Variants in ZNF595 observed in about 807,000 individuals in gnomAD.
ZNF595 encodes zinc finger protein 595.
Under a neutral mutation model 19.4 loss-of-function variants are expected in ZNF595, and 9 were observed. The ratio of observed to expected loss-of-function variants is 0.46; its 90% CI spans 0.28 to 0.81. The LOEUF (loss-of-function observed/expected upper bound fraction) is 0.81, where lower values mean the gene tolerates loss of function less well. ZNF595 is among the 30% of genes least tolerant of loss of function. ZNF595 has a pLI of 0.11. For synonymous variants in ZNF595, 255 were observed against 255.9 expected (o/e 1.00, Z 0.03); for missense variants, 729 against 736.0 (o/e 0.99, Z 0.11).
chr4:82,372 G>GTTTTTTTT (rs34932652), intron 3 of ZNF595, among the ~76,000 whole-genome samples: 44 of 85,930 alleles, frequency 5.1e-4, no homozygotes, highest in Non-Finnish European at 7.9e-4. Flanking sequence ...TTGGTTTGTG[G>GTTTTTTTT]TTTTTTTTTT....
At chr4:79,142 C>T (rs1218309400) in intron 3 of ZNF595, among the ~76,000 whole-genome samples, 1 of 152,098 alleles carries the variant, frequency 6.6e-6, no homozygotes, top group African/African-American at 2.4e-5. Flanking sequence ...CTGAAGAACA[C>T]CATTTTACTT....
At chr4:84,183 G>A (rs1581389062) in intron 3 of ZNF595, among the ~76,000 whole-genome samples, 1 of 151,462 alleles carries the variant, frequency 6.6e-6, no homozygotes, top group Non-Finnish European at 1.5e-5. Context: ...ATGATGAACA[G>A]TTTATGATCA....
rs782296372 is a variant in ZNF595 at position 87,045 on chromosome 4, G to T, written c.1541G>T (p.Gly514Val). 1.5e-5 allele frequency: 25 copies of T among 1,613,722 alleles called. No homozygotes were observed. The highest frequency in any genetic ancestry group is 2.0e-5 in the Non-Finnish European group (24 of 1,179,982). The change falls in exon 4 of 4, where the codon GGC becomes GTC. Residue 514 changes from glycine to valine, a missense_variant. Gly to Val is a moderately radical substitution (Grantham distance 109, BLOSUM62 -3). This residue lies in a region of ZNF595 where 729 missense variants were observed against 675.3 expected (regional missense o/e 1.08). Coordinates refer to ENST00000610261, the MANE Select transcript of ZNF595 (RefSeq NM_182524.4). The part of the protein sequence containing the change: ...GEKPYKCKEC[G>V]KAFNQSSGLI... ...AAACCCTACAAATGTAAAGAATGTG[G>T]CAAAGCTTTTAACCAATCCTCAGGC...
Position 87,141 on chromosome 4 carries a change from C to G in ZNF595, c.1637C>G (p.Thr546Ser). ...YKCEECGKAF[T>S]RSTALNEHKK... Reference sequence around the variant, plus strand: ...TGTGAAGAATGTGGCAAAGCCTTTACTCGGTCCACAGCCCTGAATGAACAT... The same window carrying G: ...TGTGAAGAATGTGGCAAAGCCTTTAGTCGGTCCACAGCCCTGAATGAACAT... Residue 546 changes from threonine (T) to serine (S), a missense_variant, in exon 4 of 4, where the codon ACT (threonine) becomes AGT (serine). By Grantham distance (58) the Thr-to-Ser change is moderately conservative. Around this residue, in one of 2 missense-constraint regions of ZNF595, gnomAD observed 729 missense variants for 675.3 expected, o/e 1.08. Transcript: ENST00000610261. 2 of 1,613,134 alleles carry G rather than the reference C, an allele frequency of 1.2e-6. No individual in the cohort carries two copies. The highest frequency in any genetic ancestry group is 2.7e-5 in the African/African-American group (2 of 74,692).
At chr4:69,217 A>T (rs1269096321) in intron 3 of ZNF595, among the ~76,000 whole-genome samples, 1 of 152,202 alleles carries the variant, frequency 6.6e-6, no homozygotes, top group African/African-American at 2.4e-5. Flanking sequence ...AATAAAATGG[A>T]GGTGCAGATA....
Position 86,313 on chromosome 4 carries a change from C to T in ZNF595, c.809C>T (p.Thr270Ile), listed in dbSNP as rs879994616. 7 of 1,610,390 alleles carry T rather than the reference C, an allele frequency of 4.3e-6. No individual in the cohort carries two copies. The Admixed American group carries it at 5.0e-5, about 12-fold the overall frequency. ...GGCAAAGCCTTTACAAGGTCCACAACACTGAATGAACACAAGAAAATTCAT... is the reference window on the plus strand; with the variant it reads ...GGCAAAGCCTTTACAAGGTCCACAATACTGAATGAACACAAGAAAATTCAT... ...ECGKAFTRST[T>I]LNEHKKIHTG... is the part of the protein sequence containing the mutation. Residue 270 changes from threonine to isoleucine, a missense_variant, in exon 4 of 4, where the codon ACA (threonine) becomes ATA (isoleucine). Coordinates refer to ENST00000610261, the MANE Select transcript of ZNF595 (RefSeq NM_182524.4).
intron 3 of ZNF595, among the ~76,000 whole-genome samples, chr4:84,232 G>A (rs1279625091): frequency 6.6e-6 from 1 of 151,942 alleles, no homozygotes; most frequent in East Asian, 1.9e-4. Flanking sequence ...TAATTAAAAT[G>A]TTTTCTGCAC....
Position 82,316 on chromosome 4 carries a change from G to A in ZNF595, c.227-3415G>A, listed in dbSNP as rs150993348. Among the ~76,000 whole-genome samples the A allele has an allele frequency of 5.9e-3, 882 of 150,170 alleles. 3 individuals are homozygous for A. The highest frequency in any genetic ancestry group is 0.01 in the Middle Eastern group (3 of 288). ...TTCATATTTGAAACTTTGAACAAGA[G>A]CATGCTAAAGTTTGTGTTGTTTAAT... On this transcript the variant is annotated intron_variant, in intron 3 of 3. Transcript: ENST00000610261.
chr4:69,938 C>T (rs1713357806), intron 3 of ZNF595, among the ~76,000 whole-genome samples: 1 of 152,154 alleles, frequency 6.6e-6, no homozygotes, highest in South Asian at 2.1e-4. Flanking sequence ...ACCCAAACGA[C>T]AGATGAATAA....
chr4:71,641 C>T (rs549316152), intron 3 of ZNF595, among the ~76,000 whole-genome samples: 3 of 152,246 alleles, frequency 2.0e-5, no homozygotes, highest in South Asian at 2.1e-4. Flanking sequence ...TAGAGCCTCA[C>T]GGGAGCAGCT....
Position 86,215 on chromosome 4 carries a change from T to C in ZNF595, c.711T>C (p.Phe237=), listed in dbSNP as rs782584464. Residue 237 remains phenylalanine, a synonymous_variant, in exon 4 of 4, where the codon TTT becomes TTC. Coordinates refer to ENST00000610261, the MANE Select transcript of ZNF595 (RefSeq NM_182524.4). ...CATGTGAAGAATGTGGCAAAGCCTT[T>C]AGACGGTCCACAGTTCTGAACGAAC... is the stretch of plus-strand genomic sequence containing the variant. ...PYTCEECGKA[F]RRSTVLNEHK... The C allele has an allele frequency of 1.5e-5, 25 of 1,613,722 alleles. No homozygotes were observed. The highest frequency in any genetic ancestry group is 2.0e-5 in the Non-Finnish European group (24 of 1,179,880).
At position 86,340 on chromosome 4, in the gene ZNF595, C is replaced by G. The variant is rs1714171748; in HGVS notation, c.836C>G (p.Thr279Ser). 4 of 1,613,924 alleles carry G rather than the reference C, an allele frequency of 2.5e-6. No homozygotes were observed. The highest frequency in any genetic ancestry group is 2.7e-5 in the African/African-American group (2 of 75,008). The change falls in exon 4 of 4, where the codon ACT (threonine) becomes AGT (serine). Residue 279 changes from threonine to serine, a missense_variant. Thr to Ser is a moderately conservative substitution (Grantham distance 58). Around this residue, in one of 2 missense-constraint regions of ZNF595, gnomAD observed 729 missense variants for 675.3 expected, o/e 1.08. Coordinates refer to ENST00000610261, the MANE Select transcript of ZNF595 (RefSeq NM_182524.4). ...TTLNEHKKIH[T>S]GEKPYKCKEC... is the part of the protein sequence containing the mutation. ...CTGAATGAACACAAGAAAATTCATA[C>G]TGGAGAGAAACCCTACAAATGTAAA...
chr4:74,686 G>A (rs1325450333), intron 3 of ZNF595, among the ~76,000 whole-genome samples: 3 of 152,184 alleles, frequency 2.0e-5, no homozygotes, highest in South Asian at 4.1e-4. Context: ...GCAAAGATGG[G>A]AAGACTGGAA....
intron 3 of ZNF595, among the ~76,000 whole-genome samples, chr4:69,600 C>G (rs1360098140): frequency 6.6e-6 from 1 of 152,150 alleles, no homozygotes; most frequent in East Asian, 1.9e-4. Flanking sequence ...TTGATCTTAT[C>G]CTATAGAGCT....
At chr4:55,231 C>G (rs1712581881) in intron 1 of ZNF595, among the ~76,000 whole-genome samples, 1 of 151,034 alleles carries the variant, frequency 6.6e-6, no homozygotes, top group Non-Finnish European at 1.5e-5. Flanking sequence ...CTGCTTTTTC[C>G]TTCCCCACAA....
chr4:72,471 A>T (rs1235990154), intron 3 of ZNF595, among the ~76,000 whole-genome samples: 1 of 152,196 alleles, frequency 6.6e-6, no homozygotes, highest in South Asian at 2.1e-4. Context: ...TTGCCAAAAC[A>T]TCAGTTTCTT....
In ZNF595 at chr4:69,173, G is replaced by A. The variant is rs1487944903; in HGVS notation, c.226+9020G>A. On this transcript the variant is annotated intron_variant, in intron 3 of 3. Coordinates refer to ENST00000610261, the MANE Select transcript of ZNF595 (RefSeq NM_182524.4). ...TCATCTGTTGATAGACACTTAGATT[G>A]CTTCTAAATCTTGGCTAATGTGAAC... Among the ~76,000 whole-genome samples, 3 of 152,178 alleles carry A rather than the reference G, an allele frequency of 2.0e-5. No homozygotes were observed. The East Asian group carries it at 5.8e-4, about 29-fold the overall frequency.
chr4:78,592 T>TTA (rs1403362470), intron 3 of ZNF595, among the ~76,000 whole-genome samples: 2 of 152,222 alleles, frequency 1.3e-5, no homozygotes, highest in Non-Finnish European at 2.9e-5. Flanking sequence ...ACCTATTCGA[T>TTA]TATATGTTCT....
At chr4:71,541 A>C (rs991175275) in intron 3 of ZNF595, among the ~76,000 whole-genome samples, 2 of 152,190 alleles carry the variant, frequency 1.3e-5, no homozygotes, top group Admixed American at 6.5e-5. Context: ...GGAAGACCAC[A>C]GATGCCTATG....
Sources: allele counts gnomAD v4.1 joint callset (sites outside exome capture counted in the v4.1 genomes callset), GRCh38; gene constraint gnomAD v4.1.1; regional missense constraint gnomAD v4.1.1; transcripts MANE v1.5; gene names NCBI Gene and HGNC (gene_info 2026-07-23, HGNC 2026-07-21).